AGGF1: variants seen among roughly 807,000 people sequenced by gnomAD.
AGGF1 encodes angiogenic factor with G-patch and FHA domains 1.
A neutral mutation model predicts 86.5 loss-of-function variants in AGGF1; 56 were observed. That is an observed-to-expected ratio of 0.65 (90% CI 0.52 to 0.81). The LOEUF (loss-of-function observed/expected upper bound fraction) is 0.81, where lower values mean the gene tolerates loss of function less well. Ranked by LOEUF, AGGF1 falls within the 30% of genes least tolerant of loss-of-function variation. AGGF1 has a pLI of 0.00. For missense variants in AGGF1, 816 were observed against 850.9 expected, an observed-to-expected ratio of 0.96 and a Z score of 0.51; for synonymous variants, 313 against 297.1, an observed-to-expected ratio of 1.05 and a Z score of -0.55.
At chr5:77,035,362 A>G (rs2150727004) in intron 2 of AGGF1, among the ~76,000 whole-genome samples, 179 bp from the exon 3 acceptor site, 1 of 152,138 alleles carries the variant, frequency 6.6e-6, no homozygotes, top group East Asian at 1.9e-4. Context: ...AAAGATACAC[A>G]CTTCTGCAGA....
chr5:77,052,564 T>G (rs953268591), intron 8 of AGGF1, 142 bp from the exon 9 acceptor site: 2 of 602,802 alleles, frequency 3.3e-6, no homozygotes, highest in Admixed American at 2.9e-5. Flanking sequence ...AAGCATATAA[T>G]AGTTTGTGTT....
rs58424231 is a variant in AGGF1, at chr5:77,035,442, A to G, written c.314-99A>G. ...GTAAAAATCATGATTTATTTGAAGT[A>G]TGTGCTTTTTGTGTTTAAATGCCAG... On this transcript the variant is annotated intron_variant, in intron 2 of 13. Transcript: ENST00000312916. 2,688 of 846,660 alleles carry G rather than the reference A, an allele frequency of 3.2e-3. 45 individuals carry two copies. The African/African-American group carries it at 0.04, about 13-fold the overall frequency. 52.4% of individuals were successfully genotyped at this position (846,660 alleles called of 1,614,324 possible).
intron 10 of AGGF1, 99 bp from the exon 11 acceptor site, chr5:77,055,415 G>C: frequency 2.7e-6 from 2 of 751,184 alleles, no homozygotes; most frequent in Non-Finnish European, 4.5e-6. Flanking sequence ...TAATTGGAAT[G>C]GGTTATATTA....
At chr5:77,057,945 G>A (rs966456562) in intron 11 of AGGF1, among the ~76,000 whole-genome samples, 8 of 152,150 alleles carry the variant, frequency 5.3e-5, no homozygotes, top group African/African-American at 1.9e-4. Flanking sequence ...GGGAAGAACT[G>A]TTCTGCACCA....
In AGGF1 at chr5:77,030,946, A is replaced by C; in HGVS notation, c.180A>C (p.Ala60=). Residue 60 remains alanine (A), a synonymous_variant, in exon 1 of 14, where the codon GCA becomes GCC. Coordinates refer to ENST00000312916, the MANE Select transcript of AGGF1 (RefSeq NM_018046.5). Reference sequence around the variant, plus strand: ...ACACAGAACGGCTGTACCAGAACGCAGAAAGCAACAACCAGGAGCTCCGCA... The same window carrying C: ...ACACAGAACGGCTGTACCAGAACGCCGAAAGCAACAACCAGGAGCTCCGCA... ...LHHTERLYQN[A]ESNNQELRTQ... is the part of the protein sequence containing the mutation. 1 of 1,612,874 alleles carries C rather than the reference A, an allele frequency of 6.2e-7. No homozygotes were observed. The highest frequency in any genetic ancestry group is 8.5e-7 in the Non-Finnish European group (1 of 1,179,990).
intron 13 of AGGF1, 96 bp from the exon 14 acceptor site, chr5:77,062,956 A>T: frequency 7.5e-7 from 1 of 1,326,066 alleles, no homozygotes; most frequent in Non-Finnish European, 1.1e-6. Context: ...ATCAATCTTT[A>T]ATAAATCAAA....
chr5:77,039,831 C>A lies in AGGF1; in HGVS notation c.870+112C>A, dbSNP rs1306187330. Reference sequence around the variant, plus strand: ...AATAACTCTGCATTTCAAACATACCCATTAAGATAACCTAGGAAAGTTTAG... The same window carrying A: ...AATAACTCTGCATTTCAAACATACCAATTAAGATAACCTAGGAAAGTTTAG... On this transcript the variant is annotated intron_variant, in intron 5 of 13. Transcript: ENST00000312916. 7 of 915,866 alleles carry A rather than the reference C, an allele frequency of 7.6e-6. 1 individual carries two copies. Among genetic ancestry groups the A allele is most frequent in the Non-Finnish European group, 1.2e-5 (7 of 602,072 alleles). 56.7% of individuals were successfully genotyped at this position (915,866 alleles called of 1,614,324 possible). A position where few individuals can be genotyped will look rare whatever the true frequency, so the allele number is the denominator to read the frequency against.
Position 77,063,119 on chromosome 5 carries a change from T to C in AGGF1, c.2012T>C (p.Val671Ala). 1 of 1,613,960 alleles carries C rather than the reference T, an allele frequency of 6.2e-7. No individual in the cohort carries two copies. Among genetic ancestry groups the C allele is most frequent in the South Asian group, 1.1e-5 (1 of 91,082 alleles). ...GTGKPSSFED[V>A]HLLQNKNKKN... ...GGCAAACCATCCTCATTTGAAGATG[T>C]TCACCTTCTCCAAAACAAGAACAAA... The change falls in exon 14 of 14, where the codon GTT becomes GCT. Residue 671 changes from valine to alanine, a missense_variant. By Grantham distance (64) the Val-to-Ala change is moderately conservative. Coordinates refer to ENST00000312916, the MANE Select transcript of AGGF1 (RefSeq NM_018046.5).
intron 8 of AGGF1, among the ~76,000 whole-genome samples, chr5:77,051,428 A>C (rs1370529335): frequency 7.6e-6 from 1 of 130,958 alleles, no homozygotes; most frequent in African/African-American, 2.6e-5. Flanking sequence ...GCGAGATTCC[A>C]TCTCAAAAAA....
At position 77,064,712 on chromosome 5, in the gene AGGF1, T is replaced by G. The variant is rs1742757165; in HGVS notation, c.*1460T>G. ...CAGGCTGCAGGAGTGCCCTGCATTG[T>G]TTTCTTTTAATTAGAAATAAAAAGT... On this transcript the variant is annotated 3_prime_UTR_variant, in exon 14 of 14. Transcript: ENST00000312916. 1 of 152,234 alleles carries G rather than the reference T, an allele frequency of 6.6e-6. No homozygotes were observed. Among genetic ancestry groups the G allele is most frequent in the South Asian group, 2.1e-4 (1 of 4,828 alleles). The allele number at this position is 152,234 out of a possible 1,614,324, so 9.4% of individuals were successfully genotyped here. A position where few individuals can be genotyped will look rare whatever the true frequency, so the allele number is the denominator to read the frequency against.
chr5:77,046,419 A>C lies in AGGF1; in HGVS notation c.943A>C (p.Asn315His). 1 of 1,614,046 alleles carries C rather than the reference A, an allele frequency of 6.2e-7. No homozygotes were observed. Among genetic ancestry groups the C allele is most frequent in the Non-Finnish European group, 8.5e-7 (1 of 1,179,984 alleles). Residue 315 changes from asparagine (N) to histidine (H), a missense_variant, in exon 6 of 14, where the codon AAT becomes CAT. By Grantham distance (68) the Asn-to-His change is moderately conservative. Around this residue, in one of 3 missense-constraint regions of AGGF1, gnomAD observed 565 missense variants for 585.8 expected, o/e 0.96. Coordinates refer to ENST00000312916, the MANE Select transcript of AGGF1 (RefSeq NM_018046.5). The part of the protein sequence containing the change: ...TSCNEEENFA[N>H]MKKKAKIGIH... ...CTGCAATGAGGAAGAAAATTTCGCA[A>C]ATATGAAAAAGAAGGCCAAAATAGG...
intron 1 of AGGF1, among the ~76,000 whole-genome samples, chr5:77,032,252 T>TAAAAAAAAAAAAAAAAAAAAAAAA: frequency 9.3e-6 from 1 of 107,880 alleles, no homozygotes; most frequent in Non-Finnish European, 1.8e-5. Flanking sequence ...ACAAATATGG[T>TAAAAAAAAAAAAAAAAAAAAAAAA]AAAAAAAAAA....
intron 5 of AGGF1, among the ~76,000 whole-genome samples, chr5:77,043,595 C>CA (rs1554046451): frequency 2.5e-5 from 3 of 118,746 alleles, no homozygotes; most frequent in Non-Finnish European, 3.9e-5. Context: ...TGACCCCCCC[C>CA]CCCCCGGATG....
At chr5:77,048,626 G>A (rs376546636) in intron 7 of AGGF1, among the ~76,000 whole-genome samples, 1 of 152,188 alleles carries the variant, frequency 6.6e-6, no homozygotes, top group South Asian at 2.1e-4. Flanking sequence ...AGGATTACAG[G>A]CACATAAGCT....
chr5:77,043,854 CT>C (rs1747192203), intron 5 of AGGF1, among the ~76,000 whole-genome samples: 1 of 133,610 alleles, frequency 7.5e-6, no homozygotes, highest in South Asian at 2.5e-4. Context: ...GGTCTCCTCA[CT>C]TCTCAGACGG....
chr5:77,044,007 C>G (rs1747196221), intron 5 of AGGF1, among the ~76,000 whole-genome samples: 1 of 124,588 alleles, frequency 8.0e-6, no homozygotes, highest in South Asian at 2.8e-4. Flanking sequence ...ACGCTCCTCA[C>G]TTCCTAGATG....
chr5:77,048,961 C>G lies in AGGF1; in HGVS notation c.1339C>G (p.Arg447Gly). The change falls in exon 8 of 14, where the codon CGA (arginine) becomes GGA (glycine). Residue 447 changes from arginine (R) to glycine (G), a missense_variant. Arg to Gly is a moderately radical substitution (Grantham distance 125). Transcript: ENST00000312916. ...GREKDMEHTL[R>G]IPEVGVSKFH... ...AGAAAAGGATATGGAACATACTCTC[C>G]GAATCCCTGAAGTTGGTGTCAGTAA... The G allele has an allele frequency of 6.2e-7, 1 of 1,613,662 alleles. No homozygotes were observed. The highest frequency in any genetic ancestry group is 1.3e-5 in the African/African-American group (1 of 75,012).
chr5:77,044,312 T>C (rs1747204287), intron 5 of AGGF1, among the ~76,000 whole-genome samples: 1 of 152,166 alleles, frequency 6.6e-6, no homozygotes, highest in African/African-American at 2.4e-5. Context: ...ACAAGAACTT[T>C]TAAGAAAAAT....
At chr5:77,062,502 T>A (rs903950718) in intron 13 of AGGF1, among the ~76,000 whole-genome samples, 1 of 152,150 alleles carries the variant, frequency 6.6e-6, no homozygotes, top group Non-Finnish European at 1.5e-5. Context: ...AGTTTTCTTA[T>A]GAAAAAATGG....
Sources: gnomAD v4.1 joint callset for allele counts (sites outside exome capture counted in the v4.1 genomes callset) on GRCh38, gnomAD v4.1.1 for gene constraint, gnomAD v4.1.1 regional missense constraint, MANE v1.5 for transcripts, NCBI Gene and HGNC (gene_info 2026-07-23, HGNC 2026-07-21) for gene names.